PTCSC3: variants seen among roughly 807,000 people sequenced by gnomAD.
PTCSC3 encodes the protein papillary thyroid carcinoma susceptibility candidate 3.
intron 3 of PTCSC3, among the ~76,000 whole-genome samples, chr14:36,139,134 A>G (rs550917669): frequency 3.3e-5 from 5 of 150,242 alleles, no homozygotes; most frequent in African/African-American, 1.2e-4. Flanking sequence ...AAAAAAAAAA[A>G]AAAAAAGAAA....
At chr14:36,148,053 C>T (rs1048826913) in intron 3 of PTCSC3, among the ~76,000 whole-genome samples, 8 of 152,268 alleles carry the variant, frequency 5.3e-5, no homozygotes, top group African/African-American at 9.6e-5. Context: ...GGGAGAACCA[C>T]TGCTCTCTTC....
chr14:36,162,668 T>C (rs1450786534), exon 2 of PTCSC3: 2 of 152,302 alleles, frequency 1.3e-5, no homozygotes, highest in African/African-American at 4.8e-5. Context: ...GAGCTGCTCC[T>C]ATTCGGCCAT....
At chr14:36,143,997 T>C (rs1232874654) in intron 3 of PTCSC3, among the ~76,000 whole-genome samples, 1 of 152,220 alleles carries the variant, frequency 6.6e-6, no homozygotes, top group Non-Finnish European at 1.5e-5. Flanking sequence ...CTGAGGGCTC[T>C]GTTCTGTTCC....
intron 2 of PTCSC3, among the ~76,000 whole-genome samples, chr14:36,160,977 C>A (rs144541483): frequency 0.015 from 2,288 of 152,080 alleles, 30 homozygotes; most frequent in South Asian, 0.032. Context: ...TTAAGTTGAT[C>A]TTCAATCTGT....
chr14:36,140,242 G>A (rs1185986329), intron 3 of PTCSC3, among the ~76,000 whole-genome samples: 1 of 152,072 alleles, frequency 6.6e-6, no homozygotes, highest in Non-Finnish European at 1.5e-5. Context: ...ATCTATTGAG[G>A]GACATCTTAG....
intron 1 of PTCSC3, among the ~76,000 whole-genome samples, chr14:36,165,469 G>A (rs1415916109): frequency 6.6e-6 from 1 of 151,468 alleles, no homozygotes; most frequent in Non-Finnish European, 1.5e-5. Context: ...TTTGACCATT[G>A]CCCTCATTTA....
chr14:36,148,831 T>C (rs1295779713), intron 3 of PTCSC3, among the ~76,000 whole-genome samples: 1 of 152,236 alleles, frequency 6.6e-6, no homozygotes, highest in Non-Finnish European at 1.5e-5. Flanking sequence ...AAAATAGTCT[T>C]TATTATCCTT....
chr14:36,168,384 TA>T, intron 1 of PTCSC3, among the ~76,000 whole-genome samples: 2 of 143,902 alleles, frequency 1.4e-5, no homozygotes, highest in South Asian at 2.2e-4. Context: ...TATATATATA[TA>T]TATATATATA....
At position 36,168,360 on chromosome 14, in the gene PTCSC3, A is replaced by AATATATATAT. The variant is rs147400390; in HGVS notation, n.172-5687_172-5678dup. 9.4e-3 allele frequency among the ~76,000 whole-genome samples: 1,071 copies of AATATATATAT among 113,670 alleles called. 25 individuals carry two copies. The highest frequency in any genetic ancestry group is 0.026 in the African/African-American group (583 of 22,774). The allele number at this position is 113,670 out of a possible 152,430, so 74.6% of individuals were successfully genotyped here. A position where few individuals can be genotyped will look rare whatever the true frequency, so the allele number is the denominator to read the frequency against. On this transcript the variant is annotated intron_variant and non_coding_transcript_variant, in intron 1 of 3. Coordinates refer to ENST00000556013, the Ensembl canonical transcript of PTCSC3. ...TTGGGAGTTTAAACTATTGATTCTGAATATATATATATATATATATATATA... is the reference window on the plus strand; with the variant it reads ...TTGGGAGTTTAAACTATTGATTCTGAATATATATATATATATATATATATATATATATATA...
chr14:36,162,624 C>G (rs1881991229), exon 2 of PTCSC3: 1 of 152,252 alleles, frequency 6.6e-6, no homozygotes, highest in African/African-American at 2.4e-5. Flanking sequence ...AATCACTTAC[C>G]TTTTGCATTA....
At chr14:36,165,570 A>G in intron 1 of PTCSC3, among the ~76,000 whole-genome samples, 1 of 152,090 alleles carries the variant, frequency 6.6e-6, no homozygotes, top group Non-Finnish European at 1.5e-5. Context: ...AAATTTAAGG[A>G]TGGGTCAAAA....
intron 2 of PTCSC3, among the ~76,000 whole-genome samples, chr14:36,157,947 T>C (rs1251479041): frequency 6.6e-6 from 1 of 152,232 alleles, no homozygotes; most frequent in Non-Finnish European, 1.5e-5. Context: ...CAGTGGTTTG[T>C]AGTTCTCCTT....
At chr14:36,156,044 A>G (rs1474575884) in intron 2 of PTCSC3, among the ~76,000 whole-genome samples, 1 of 152,210 alleles carries the variant, frequency 6.6e-6, no homozygotes, top group Non-Finnish European at 1.5e-5. Flanking sequence ...CCCTCATGAC[A>G]GTACCAACTT....
chr14:36,145,969 G>T (rs1881556405), intron 3 of PTCSC3, among the ~76,000 whole-genome samples: 3 of 152,060 alleles, frequency 2.0e-5, no homozygotes, highest in Non-Finnish European at 2.9e-5. Flanking sequence ...TAGTTGAGCG[G>T]TTTTGAGTAA....
intron 3 of PTCSC3, among the ~76,000 whole-genome samples, chr14:36,149,971 C>T (rs1039248056): frequency 2.0e-5 from 3 of 152,144 alleles, no homozygotes; most frequent in African/African-American, 7.2e-5. Flanking sequence ...GAAAATCTCT[C>T]CAGTGAGCAT....
At chr14:36,156,925 A>G (rs1881841586) in intron 2 of PTCSC3, among the ~76,000 whole-genome samples, 4 of 152,046 alleles carry the variant, frequency 2.6e-5, no homozygotes, top group Admixed American at 1.3e-4. Context: ...TTGGGTATAA[A>G]CCCAGTAATA....
chr14:36,150,842 G>A (rs1202432611), intron 3 of PTCSC3, among the ~76,000 whole-genome samples: 2 of 152,006 alleles, frequency 1.3e-5, no homozygotes. Context: ...TAACATTGGT[G>A]CATTTATTCT....
intron 3 of PTCSC3, among the ~76,000 whole-genome samples, chr14:36,138,626 C>T (rs1881341959): frequency 1.3e-5 from 2 of 152,126 alleles, no homozygotes; most frequent in Non-Finnish European, 2.9e-5. Flanking sequence ...AATTAAACTA[C>T]CACTACATAC....
At chr14:36,171,475 A>G (rs1882191978) in intron 1 of PTCSC3, among the ~76,000 whole-genome samples, 1 of 152,326 alleles carries the variant, frequency 6.6e-6, no homozygotes, top group African/African-American at 2.4e-5. Flanking sequence ...ATGAGGAAGA[A>G]AAATGTAAAC....
Sources: allele counts gnomAD v4.1 joint callset (sites outside exome capture counted in the v4.1 genomes callset), GRCh38; gene constraint gnomAD v4.1.1; transcripts MANE v1.5; gene names NCBI Gene and HGNC (gene_info 2026-07-23, HGNC 2026-07-21).